The following CNNM2 variants were observed in gnomAD, a reference collection of about 807,000 sequenced individuals.
CNNM2 encodes the protein metal transporter CNNM2.
A neutral mutation model predicts 66.9 loss-of-function variants in CNNM2; 12 were observed. The ratio of observed to expected loss-of-function variants is 0.18; its 90% CI spans 0.11 to 0.29. The LOEUF is 0.29. CNNM2 is among the 10% of genes least tolerant of loss of function. CNNM2 has a pLI of 1.00. For synonymous variants in CNNM2, 557 were observed against 501.8 expected (o/e 1.11, Z -1.47); for missense variants, 705 against 1,167.7 (o/e 0.60, Z 5.77).
intron 1 of CNNM2, among the ~76,000 whole-genome samples, chr10:102,998,190 G>C (rs1299295312): frequency 6.6e-6 from 1 of 152,186 alleles, no homozygotes; most frequent in Non-Finnish European, 1.5e-5. Context: ...TGCAAATAAT[G>C]ACTTCAGGCA....
intron 1 of CNNM2, among the ~76,000 whole-genome samples, chr10:102,978,092 G>C (rs2046303187): frequency 6.6e-6 from 1 of 151,914 alleles, no homozygotes. Flanking sequence ...TGTATTTTTA[G>C]TAGAGACAGC....
At chr10:103,072,917 A>G (rs1189867033) in intron 6 of CNNM2, among the ~76,000 whole-genome samples, 1 of 152,228 alleles carries the variant, frequency 6.6e-6, no homozygotes, top group African/African-American at 2.4e-5. Context: ...CTGGTGGTGT[A>G]TGTAACATGG....
intron 1 of CNNM2, among the ~76,000 whole-genome samples, chr10:102,950,001 C>T (rs181429973): frequency 2.6e-4 from 40 of 152,234 alleles, no homozygotes; most frequent in Admixed American, 1.6e-3. Context: ...ACCTAAAGCA[C>T]GACCACTATA....
chr10:102,982,153 C>T (rs556271924), intron 1 of CNNM2, among the ~76,000 whole-genome samples: 39 of 152,274 alleles, frequency 2.6e-4, no homozygotes, highest in Admixed American at 7.2e-4. Context: ...ACTAAACAGT[C>T]GTCACTTTCT....
rs1890184 is a variant in CNNM2 at position 102,988,702 on chromosome 10, A to C, written c.1622-61005A>C. ...TCTTCCTTGGTAAAATTCTGCCCACACCCTATCTTTTGGGCACTTAATTAT... is the reference window on the plus strand; with the variant it reads ...TCTTCCTTGGTAAAATTCTGCCCACCCCCTATCTTTTGGGCACTTAATTAT... On this transcript the variant is annotated intron_variant, in intron 1 of 7. Coordinates refer to ENST00000369878, the MANE Select transcript of CNNM2 (RefSeq NM_017649.5). 0.4 allele frequency among the ~76,000 whole-genome samples: 61,256 copies of C among 151,776 alleles called. 12,550 individuals are homozygous for C. Among genetic ancestry groups the C allele is most frequent in the East Asian group, 0.49 (2,502 of 5,154 alleles).
Position 102,937,494 on chromosome 10 carries a change from C to A in CNNM2, c.1621+17393C>A, listed in dbSNP as rs577478834. Reference sequence around the variant, plus strand: ...TGATGGTTTTGGAAACTGGTGCTTCCTTTTGTCTAAATAAATAATCACTGT... The same window carrying A: ...TGATGGTTTTGGAAACTGGTGCTTCATTTTGTCTAAATAAATAATCACTGT... On this transcript the variant is annotated intron_variant, in intron 1 of 7. Transcript: ENST00000369878. Among the ~76,000 whole-genome samples, 10 of 152,252 alleles carry A rather than the reference C, an allele frequency of 6.6e-5. No individual in the cohort carries two copies. The South Asian group carries it at 2.1e-3, about 32-fold the overall frequency.
chr10:103,000,177 A>T lies in CNNM2; in HGVS notation c.1622-49530A>T, dbSNP rs117557116. Among the ~76,000 whole-genome samples the T allele has an allele frequency of 4.1e-3, 620 of 152,166 alleles. 20 individuals carry two copies. In the East Asian group the frequency reaches 0.073, roughly 18 times the overall value. ...CTTGAACCTGGGGAGTGGAGGTTGC[A>T]GTGAGCCGATATCATGCCGTTGCAC... On this transcript the variant is annotated intron_variant, in intron 1 of 7. Transcript: ENST00000369878.
intron 1 of CNNM2, among the ~76,000 whole-genome samples, chr10:102,969,432 T>G (rs1168693218): frequency 6.7e-6 from 1 of 150,366 alleles, no homozygotes; most frequent in African/African-American, 2.5e-5. Flanking sequence ...CAGGCTGGTC[T>G]CGAACTCGTG....
intron 1 of CNNM2, among the ~76,000 whole-genome samples, chr10:102,925,876 TAGACTAGG>T: frequency 6.6e-6 from 1 of 152,226 alleles, no homozygotes; most frequent in Non-Finnish European, 1.5e-5. Flanking sequence ...TTGTTGTGGT[TAGACTAGG>T]AGGGTATTTT....
At chr10:103,044,907 G>A (rs755125171) in intron 1 of CNNM2, among the ~76,000 whole-genome samples, 3 of 152,244 alleles carry the variant, frequency 2.0e-5, no homozygotes, top group South Asian at 2.1e-4. Context: ...CAAATCTGTC[G>A]GTGCTATTGA....
intron 3 of CNNM2, among the ~76,000 whole-genome samples, chr10:103,055,562 G>T (rs2065281612): frequency 6.6e-6 from 1 of 152,188 alleles, no homozygotes; most frequent in Admixed American, 6.5e-5. Context: ...ATGCTCACTT[G>T]ATTGCTCAGA....
In CNNM2 at chr10:102,938,659, T is replaced by A. The variant is rs1846327337; in HGVS notation, c.1621+18558T>A. 2.1e-5 allele frequency among the ~76,000 whole-genome samples: 3 copies of A among 145,108 alleles called. No individual in the cohort carries two copies. In the Admixed American group the frequency reaches 2.1e-4, roughly 10 times the overall value. ...AAAAAAAAAAAGACAACGCCTCTAC[T>A]CCTTTAGCCAACTTTCTAAAAAAAT... On this transcript the variant is annotated intron_variant, in intron 1 of 7. Transcript: ENST00000369878.
intron 4 of CNNM2, among the ~76,000 whole-genome samples, chr10:103,062,951 G>A (rs2065413315): frequency 6.6e-6 from 1 of 152,214 alleles, no homozygotes; most frequent in Non-Finnish European, 1.5e-5. Context: ...TGCTTCAGTA[G>A]GTCTGGGGTG....
intron 6 of CNNM2, among the ~76,000 whole-genome samples, chr10:103,075,217 G>T (rs1341606977): frequency 5.3e-5 from 8 of 152,210 alleles, no homozygotes; most frequent in Non-Finnish European, 1.0e-4. Flanking sequence ...TGGGAGAAAT[G>T]GTCCCCTCCA....
At chr10:103,065,524 T>C (rs190063563) in intron 4 of CNNM2, among the ~76,000 whole-genome samples, 2 of 152,236 alleles carry the variant, frequency 1.3e-5, no homozygotes, top group Admixed American at 1.3e-4. Flanking sequence ...GTTTTGGTTG[T>C]GCCTGCCCTA....
At chr10:103,008,305 C>A (rs1182236900) in intron 1 of CNNM2, among the ~76,000 whole-genome samples, 1 of 152,178 alleles carries the variant, frequency 6.6e-6, no homozygotes, top group Non-Finnish European at 1.5e-5. Flanking sequence ...GAAATACTTT[C>A]CTCAAACATT....
intron 1 of CNNM2, among the ~76,000 whole-genome samples, chr10:102,960,575 G>A (rs1257902110): frequency 6.6e-6 from 1 of 151,996 alleles, no homozygotes; most frequent in Non-Finnish European, 1.5e-5. Context: ...ACACCGGGTT[G>A]TAATTTTTGT....
At chr10:103,046,899 TA>T (rs2065135710) in intron 1 of CNNM2, among the ~76,000 whole-genome samples, 2 of 152,230 alleles carry the variant, frequency 1.3e-5, no homozygotes, top group African/African-American at 2.4e-5. Flanking sequence ...AGTAATTTAT[TA>T]AAGGTTAGTT....
intron 6 of CNNM2, among the ~76,000 whole-genome samples, chr10:103,073,718 C>T (rs1437529594): frequency 6.6e-6 from 1 of 151,318 alleles, no homozygotes; most frequent in South Asian, 2.1e-4. Flanking sequence ...AAAAATTAGC[C>T]GGGCGCTGTG....
Sources: gnomAD v4.1 joint callset for allele counts (sites outside exome capture counted in the v4.1 genomes callset) on GRCh38, gnomAD v4.1.1 for gene constraint, MANE v1.5 for transcripts, NCBI Gene and HGNC (gene_info 2026-07-23, HGNC 2026-07-21) for gene names.